FAM111B: variants seen among roughly 807,000 people sequenced by gnomAD.
FAM111B encodes the protein serine protease FAM111B.
FAM111B carries 1 observed loss-of-function variant against 2.8 expected under a neutral mutation model. The ratio of observed to expected loss-of-function variants is 0.36; its 90% CI spans 0.13 to 1.70. The LOEUF is 1.70. FAM111B is among the 40% of genes most tolerant of loss of function. The pLI is 0.35. For missense variants in FAM111B, 882 were observed against 878.9 expected (o/e 1.00, Z -0.04); for synonymous variants, 297 against 295.6 (o/e 1.00, Z -0.05).
intron 3 of FAM111B, among the ~76,000 whole-genome samples, chr11:59,117,353 T>C (rs1859853766): frequency 6.6e-6 from 1 of 152,198 alleles, no homozygotes; most frequent in Non-Finnish European, 1.5e-5. Flanking sequence ...CATCAAAATG[T>C]GGAAAGAACA....
intron 3 of FAM111B, among the ~76,000 whole-genome samples, chr11:59,110,233 A>G (rs898451032): frequency 1.3e-5 from 2 of 152,208 alleles, no homozygotes; most frequent in African/African-American, 4.8e-5. Context: ...AAATGATAAT[A>G]CAAAATTGAG....
chr11:59,109,516 A>T (rs1590886522), intron 2 of FAM111B, 24 bp from the exon 3 acceptor site: 1 of 654,718 alleles, frequency 1.5e-6, no homozygotes, highest in South Asian at 2.2e-5. Context: ...TATTTCATAG[A>T]TCTTGTTTTT....
Position 59,125,459 on chromosome 11 carries a change from T to C in FAM111B, c.1362T>C (p.Leu454=), listed in dbSNP as rs1860008343. Residue 454 remains leucine (L), a synonymous_variant, in exon 4 of 4, where the codon CTT becomes CTC. Coordinates refer to ENST00000343597, the MANE Select transcript of FAM111B (RefSeq NM_198947.4). ...TTTCAGTTGCAACCTGCGAACAGCTTACATATTATAGCAAGTCAGTTGGGT... is the reference window on the plus strand; with the variant it reads ...TTTCAGTTGCAACCTGCGAACAGCTCACATATTATAGCAAGTCAGTTGGGT... The part of the protein sequence containing the change: ...NSVSVATCEQ[L]TYYSKSVGFM... 6.2e-7 allele frequency: 1 copy of C among 1,613,992 alleles called. No homozygotes were observed.
At position 59,108,666 on chromosome 11, in the gene FAM111B, A is replaced by G. The variant is rs933139853; in HGVS notation, c.-131-2A>G. On this transcript the variant is annotated splice_acceptor_variant, in intron 1 of 3. Transcript: ENST00000343597. LOFTEE classifies it low-confidence loss of function (5UTR_SPLICE). ...TTTTGTTTTGTTTTGTTTTCATACT[A>G]GGGGGAAATCCAGTCCCTGTTACTC... 1.3e-5 allele frequency: 2 copies of G among 152,782 alleles called. No individual in the cohort carries two copies. Among genetic ancestry groups the G allele is most frequent in the African/African-American group, 4.8e-5 (2 of 41,446 alleles). The allele number at this position is 152,782 out of a possible 1,614,324, so 9.5% of individuals were successfully genotyped here. A position where few individuals can be genotyped will look rare whatever the true frequency, so the allele number is the denominator to read the frequency against.
chr11:59,121,443 C>T (rs1386242838), intron 3 of FAM111B, among the ~76,000 whole-genome samples: 10 of 152,150 alleles, frequency 6.6e-5, no homozygotes, highest in Admixed American at 6.5e-4. Context: ...ATATGGATAA[C>T]ACCAAGCTTT....
At chr11:59,111,081 C>T (rs767304261) in intron 3 of FAM111B, among the ~76,000 whole-genome samples, 3 of 152,148 alleles carry the variant, frequency 2.0e-5, no homozygotes, top group African/African-American at 4.8e-5. Context: ...CTGTGTTCTG[C>T]TTTTCATGTT....
rs1329391445 is a variant in FAM111B, at chr11:59,117,109, C to T, written c.82-7070C>T. Among the ~76,000 whole-genome samples, 3 of 152,220 alleles carry T rather than the reference C, an allele frequency of 2.0e-5. 1 individual carries two copies. The highest frequency in any genetic ancestry group is 3.9e-4 in the East Asian group (2 of 5,192). On this transcript the variant is annotated intron_variant, in intron 3 of 3. Coordinates refer to ENST00000343597, the MANE Select transcript of FAM111B (RefSeq NM_198947.4). Reference sequence around the variant, plus strand: ...CTTTGAATGTCTTTGGGTAAAGTCACAGGGGAGCTGCCTGCCCTCTGAATG... The same window carrying T: ...CTTTGAATGTCTTTGGGTAAAGTCATAGGGGAGCTGCCTGCCCTCTGAATG...
chr11:59,125,665 G>C lies in FAM111B; in HGVS notation c.1568G>C (p.Cys523Ser), dbSNP rs772404702. Residue 523 changes from cysteine to serine, a missense_variant, in exon 4 of 4, where the codon TGC becomes TCC. Coordinates refer to ENST00000343597, the MANE Select transcript of FAM111B (RefSeq NM_198947.4). Reference protein sequence around the residue: ...AKVTFTYTEFCPTPDNWFSIE... With the variant: ...AKVTFTYTEFSPTPDNWFSIE... Reference sequence around the variant, plus strand: ...GTAACCTTCACTTATACAGAGTTCTGCCCTACTCCTGACAATTGGTTTTCC... The same window carrying C: ...GTAACCTTCACTTATACAGAGTTCTCCCCTACTCCTGACAATTGGTTTTCC... 3.7e-6 allele frequency: 6 copies of C among 1,613,740 alleles called. No individual in the cohort carries two copies. The highest frequency in any genetic ancestry group is 1.7e-5 in the Admixed American group (1 of 59,982).
chr11:59,122,921 C>T (rs910546445), intron 3 of FAM111B, among the ~76,000 whole-genome samples: 3 of 152,152 alleles, frequency 2.0e-5, no homozygotes, highest in East Asian at 3.8e-4. Flanking sequence ...CAGGCTTATT[C>T]CTCTATTTAT....
intron 3 of FAM111B, among the ~76,000 whole-genome samples, chr11:59,115,931 G>A (rs983777078): frequency 2.6e-5 from 4 of 152,180 alleles, no homozygotes; most frequent in Admixed American, 6.5e-5. Context: ...GGTAGTCAGC[G>A]GGTGTGGAAA....
chr11:59,107,554 C>T (rs112748280), intron 1 of FAM111B, among the ~76,000 whole-genome samples: 3,505 of 152,232 alleles, frequency 0.023, 71 homozygotes, highest in East Asian at 0.078. Flanking sequence ...TTTCCCTGCC[C>T]GGTGCCGTTC....
chr11:59,121,081 A>C (rs1418397230), intron 3 of FAM111B, among the ~76,000 whole-genome samples: 2 of 152,090 alleles, frequency 1.3e-5, no homozygotes, highest in Non-Finnish European at 2.9e-5. Context: ...AAAAAAAAAA[A>C]AAAACAATTA....
rs768920267 is a variant in FAM111B at position 59,124,618 on chromosome 11, G to A, written c.521G>A (p.Arg174His). The A allele has an allele frequency of 4.2e-5, 67 of 1,613,694 alleles. No individual in the cohort carries two copies. The highest frequency in any genetic ancestry group is 5.3e-5 in the African/African-American group (4 of 74,904). ...KSSKEDGHILRQCENPNMECI... is the reference protein window; with the variant it reads ...KSSKEDGHILHQCENPNMECI... ...AGCAAAGAAGATGGACACATATTAC[G>A]CCAATGTGAAAATCCAAACATGGAA... Residue 174 changes from arginine (R) to histidine (H), a missense_variant, in exon 4 of 4, where the codon CGC (arginine) becomes CAC (histidine). By Grantham distance (29) the Arg-to-His change is conservative. Transcript: ENST00000343597.
intron 3 of FAM111B, among the ~76,000 whole-genome samples, chr11:59,118,458 G>T (rs1405597386): frequency 6.6e-6 from 1 of 152,166 alleles, no homozygotes; most frequent in Non-Finnish European, 1.5e-5. Context: ...CAAAAGTCTT[G>T]CATATCTTGT....
Position 59,125,196 on chromosome 11 carries a change from A to G in FAM111B, c.1099A>G (p.Arg367Gly), listed in dbSNP as rs757494951. Residue 367 changes from arginine (R) to glycine (G), a missense_variant, in exon 4 of 4, where the codon AGG (arginine) becomes GGG (glycine). Arg to Gly is a moderately radical substitution (Grantham distance 125). Coordinates refer to ENST00000343597, the MANE Select transcript of FAM111B (RefSeq NM_198947.4). ...GCAAATAAACTCACAAGTTAGACGG[A>G]GGCCGCATCTGGGTAGGCGGTATGC... Reference protein sequence around the residue: ...YRQINSQVRRRPHLGRRYAIN... With the variant: ...YRQINSQVRRGPHLGRRYAIN... The G allele has an allele frequency of 6.2e-7, 1 of 1,613,994 alleles. No homozygotes were observed. Among genetic ancestry groups the G allele is most frequent in the Admixed American group, 1.7e-5 (1 of 60,006 alleles).
intron 1 of FAM111B, among the ~76,000 whole-genome samples, chr11:59,107,822 C>T (rs1281481465): frequency 6.6e-6 from 1 of 152,126 alleles, no homozygotes; most frequent in Non-Finnish European, 1.5e-5. Context: ...CGTTTCTCCC[C>T]GAGGCACAGA....
intron 3 of FAM111B, among the ~76,000 whole-genome samples, chr11:59,111,733 G>T (rs1031513523): frequency 2.0e-5 from 3 of 152,134 alleles, no homozygotes; most frequent in African/African-American, 4.8e-5. Context: ...ATTCTATTGG[G>T]CAGTACTAGT....
At chr11:59,118,420 G>A (rs1859872005) in intron 3 of FAM111B, among the ~76,000 whole-genome samples, 1 of 152,172 alleles carries the variant, frequency 6.6e-6, no homozygotes, top group African/African-American at 2.4e-5. Context: ...GCCAGGTCTT[G>A]TTTAATTTCC....
chr11:59,118,306 C>G (rs1590890494), intron 3 of FAM111B, among the ~76,000 whole-genome samples: 1 of 152,154 alleles, frequency 6.6e-6, no homozygotes, highest in East Asian at 1.9e-4. Context: ...CTCCTTCAGA[C>G]CTGGGGCATC....
Sources: allele counts gnomAD v4.1 joint callset (sites outside exome capture counted in the v4.1 genomes callset), GRCh38; gene constraint gnomAD v4.1.1; transcripts MANE v1.5; gene names NCBI Gene and HGNC (gene_info 2026-07-23, HGNC 2026-07-21).